MYRIP: variants seen among roughly 807,000 people sequenced by gnomAD.
MYRIP encodes the protein myosin VIIA and Rab interacting protein, also known as rab effector MyRIP.
Under a neutral mutation model 98.0 loss-of-function variants are expected in MYRIP, and 49 were observed. The observed-to-expected ratio is 0.50, with a 90% CI of 0.40 to 0.63. The LOEUF is 0.63. Ranked by LOEUF, MYRIP falls within the 30% of genes least tolerant of loss-of-function variation. MYRIP has a pLI of 0.00. For synonymous variants in MYRIP, 404 were observed against 409.5 expected (o/e 0.99, Z 0.16); for missense variants, 1,004 against 1,058.2 (o/e 0.95, Z 0.71).
At chr3:40,221,472 A>C (rs1952335582) in intron 11 of MYRIP, among the ~76,000 whole-genome samples, 1 of 152,186 alleles carries the variant, frequency 6.6e-6, no homozygotes, top group Non-Finnish European at 1.5e-5. Context: ...TCTACAAAAA[A>C]ATACAAAAAT....
intron 1 of MYRIP, among the ~76,000 whole-genome samples, chr3:39,895,749 A>G (rs1289041999): frequency 2.0e-5 from 3 of 152,154 alleles, no homozygotes; most frequent in Admixed American, 6.5e-5. Context: ...GGGGACATAA[A>G]TGGGCAATGT....
At chr3:40,200,628 G>C (rs533281128) in intron 10 of MYRIP, among the ~76,000 whole-genome samples, 51 of 152,164 alleles carry the variant, frequency 3.4e-4, no homozygotes, top group African/African-American at 1.1e-3. Context: ...GCTTTTACTT[G>C]TATGTAGCAA....
chr3:40,005,885 A>G (rs1040519837), intron 2 of MYRIP, among the ~76,000 whole-genome samples: 2 of 152,232 alleles, frequency 1.3e-5, no homozygotes, highest in Non-Finnish European at 2.9e-5. Context: ...TAGAAATTGC[A>G]AAAAGTCTAT....
chr3:39,945,486 A>C (rs1944880095), intron 2 of MYRIP, among the ~76,000 whole-genome samples: 2 of 131,992 alleles, frequency 1.5e-5, no homozygotes, highest in African/African-American at 6.7e-5. Context: ...CAAAAAAAAA[A>C]AAAAAGAAAA....
In MYRIP at chr3:40,233,846, T is replaced by C; in HGVS notation, c.1906-13T>C. On this transcript the variant is annotated splice_polypyrimidine_tract_variant and intron_variant, in intron 11 of 16. Coordinates refer to ENST00000302541, the MANE Select transcript of MYRIP (RefSeq NM_015460.4). ...TCTTGTCTTCTGTCCCCTTCTGTTA[T>C]CGGACCAAACAGAAGTTTTCTGCTG... is the stretch of plus-strand genomic sequence containing the variant. 6.2e-7 allele frequency: 1 copy of C among 1,608,540 alleles called. No individual in the cohort carries two copies. Among genetic ancestry groups the C allele is most frequent in the Non-Finnish European group, 8.5e-7 (1 of 1,178,056 alleles).
intron 2 of MYRIP, among the ~76,000 whole-genome samples, chr3:39,901,710 G>A (rs1943747498): frequency 6.6e-6 from 1 of 152,104 alleles, no homozygotes; most frequent in Non-Finnish European, 1.5e-5. Flanking sequence ...GCAAAAACCT[G>A]TTTTGCTCAC....
intron 3 of MYRIP, among the ~76,000 whole-genome samples, chr3:40,113,930 C>T (rs1371623638): frequency 1.3e-5 from 2 of 152,100 alleles, no homozygotes; most frequent in Admixed American, 6.6e-5. Context: ...ACCTCATGAC[C>T]CGCCCGCCTT....
At chr3:40,252,047 T>C in intron 16 of MYRIP, 48 bp downstream of exon 16, 1 of 1,381,212 alleles carries the variant, frequency 7.2e-7, no homozygotes. Flanking sequence ...CTGTTGATGG[T>C]ACCTCCACTC....
At position 40,233,869 on chromosome 3, in the gene MYRIP, C is replaced by A; in HGVS notation, c.1916C>A (p.Ala639Asp). 6.2e-7 allele frequency: 1 copy of A among 1,612,652 alleles called. No individual in the cohort carries two copies. The highest frequency in any genetic ancestry group is 8.5e-7 in the Non-Finnish European group (1 of 1,179,624). Residue 639 changes from alanine (A) to aspartate (D), a missense_variant, in exon 12 of 17, where the codon GCT becomes GAT. Around this residue, in one of 3 missense-constraint regions of MYRIP, gnomAD observed 880 missense variants for 907.7 expected, o/e 0.97. Coordinates refer to ENST00000302541, the MANE Select transcript of MYRIP (RefSeq NM_015460.4). ...TATCGGACCAAACAGAAGTTTTCTG[C>A]TGTTTCTCTCTGCAACATCTCCACA... ...VQEELKKKFS[A>D]VSLCNISTEV... is the part of the protein sequence containing the mutation.
At chr3:39,870,458 G>A (rs1281952351) in intron 1 of MYRIP, among the ~76,000 whole-genome samples, 1 of 152,178 alleles carries the variant, frequency 6.6e-6, no homozygotes, top group African/African-American at 2.4e-5. Flanking sequence ...CTAGAGCTAA[G>A]CCTGAGTTTA....
chr3:40,018,445 C>T (rs1946918197), intron 2 of MYRIP, among the ~76,000 whole-genome samples: 2 of 152,252 alleles, frequency 1.3e-5, no homozygotes, highest in South Asian at 2.1e-4. Context: ...GGTTTGCTAC[C>T]CCAGTCTTCA....
At position 40,017,247 on chromosome 3, in the gene MYRIP, G is replaced by T. The variant is rs1006222995; in HGVS notation, c.111-26803G>T. 5.9e-5 allele frequency among the ~76,000 whole-genome samples: 9 copies of T among 152,308 alleles called. No homozygotes were observed. The South Asian group carries it at 1.9e-3, about 32-fold the overall frequency. On this transcript the variant is annotated intron_variant, in intron 2 of 16. Coordinates refer to ENST00000302541, the MANE Select transcript of MYRIP (RefSeq NM_015460.4). ...CTAATCAAACAAGGCACCTTTCCCA[G>T]TGTATCTAGATGTGCCCTCAGAATT...
intron 10 of MYRIP, among the ~76,000 whole-genome samples, chr3:40,199,802 G>C (rs1951502499): frequency 6.6e-6 from 1 of 152,072 alleles, no homozygotes; most frequent in African/African-American, 2.4e-5. Flanking sequence ...ACCAAAGGTT[G>C]TATCTCCCAC....
rs1297818593 is a variant in MYRIP at position 39,989,259 on chromosome 3, G to T, written c.111-54791G>T. Among the ~76,000 whole-genome samples, 5 of 152,094 alleles carry T rather than the reference G, an allele frequency of 3.3e-5. 1 individual carries two copies. Among genetic ancestry groups the T allele is most frequent in the Admixed American group, 3.3e-4 (5 of 15,270 alleles). The stretch of plus-strand genomic sequence containing the variant: ...GTTGCATTGTTGTTGCTTTCTGTTT[G>T]TTTTTCTTGCAGTTATCAGGTCCCT... On this transcript the variant is annotated intron_variant, in intron 2 of 16. Transcript: ENST00000302541.
chr3:39,943,867 G>A (rs9840366), intron 2 of MYRIP, among the ~76,000 whole-genome samples: 10,215 of 152,098 alleles, frequency 0.067, 619 homozygotes, highest in East Asian at 0.25. Context: ...GACCCTGATC[G>A]ATTCAATATG....
intron 1 of MYRIP, among the ~76,000 whole-genome samples, chr3:39,829,260 G>A (rs1353643053): frequency 2.6e-5 from 4 of 152,090 alleles, no homozygotes; most frequent in Non-Finnish European, 5.9e-5. Context: ...TAGAATTATT[G>A]TGTTTCTTTA....
At chr3:40,177,930 G>A (rs532045285) in intron 8 of MYRIP, among the ~76,000 whole-genome samples, 11 of 151,778 alleles carry the variant, frequency 7.2e-5, no homozygotes, top group African/African-American at 1.2e-4. Context: ...CCTTCCTCAC[G>A]TTCCTTCTCT....
intron 2 of MYRIP, among the ~76,000 whole-genome samples, chr3:40,017,331 A>G (rs749579562): frequency 6.6e-6 from 1 of 152,190 alleles, no homozygotes; most frequent in Non-Finnish European, 1.5e-5. Context: ...GTTTAGATAC[A>G]ATGCTGGATA....
intron 2 of MYRIP, among the ~76,000 whole-genome samples, chr3:40,029,749 G>T: frequency 6.6e-6 from 1 of 152,042 alleles, no homozygotes; most frequent in East Asian, 1.9e-4. Context: ...CACCAGTAAA[G>T]GACAAATAAT....
Sources: allele counts gnomAD v4.1 joint callset (sites outside exome capture counted in the v4.1 genomes callset), GRCh38; gene constraint gnomAD v4.1.1; regional missense constraint gnomAD v4.1.1; transcripts MANE v1.5; gene names NCBI Gene and HGNC (gene_info 2026-07-23, HGNC 2026-07-21).